WDR81: variants seen among roughly 807,000 people sequenced by gnomAD.
WDR81 encodes the protein WD repeat domain 81, also known as WD repeat-containing protein 81.
Under a neutral mutation model 140.8 loss-of-function variants are expected in WDR81, and 92 were observed. The ratio of observed to expected loss-of-function variants is 0.65; its 90% CI spans 0.55 to 0.78. The LOEUF (loss-of-function observed/expected upper bound fraction) is 0.78. Ranked by LOEUF, WDR81 falls within the 30% of genes least tolerant of loss-of-function variation. The probability of loss-of-function intolerance (pLI) is 0.00; values close to 1 mark genes in which losing one functional copy is unlikely to be tolerated. For missense variants in WDR81, 2,502 were observed against 2,636.4 expected, an observed-to-expected ratio of 0.95 and a Z score of 1.12; for synonymous variants, 1,183 against 1,156.4, an observed-to-expected ratio of 1.02 and a Z score of -0.47.
At position 1,728,120 on chromosome 17, in the gene WDR81, G is replaced by A; in HGVS notation, c.3161G>A (p.Gly1054Glu). Residue 1054 changes from glycine to glutamate, a missense_variant, in exon 1 of 10, where the codon GGG becomes GAG. By Grantham distance (98) the Gly-to-Glu change is moderately conservative. Around this residue, in one of 3 missense-constraint regions of WDR81, gnomAD observed 1,737 missense variants for 1,843.0 expected, o/e 0.94. Coordinates refer to ENST00000409644, the MANE Select transcript of WDR81 (RefSeq NM_001163809.2). ...CAFGEEIPMD[G>E]EPPASSGLGL... ...TTTGGGGAGGAGATTCCCATGGATG[G>A]GGAGCCTCCTGCCTCCTCGGGCCTG... The A allele has an allele frequency of 6.2e-7, 1 of 1,606,092 alleles. No homozygotes were observed. The highest frequency in any genetic ancestry group is 8.5e-7 in the Non-Finnish European group (1 of 1,176,116).
At position 1,726,906 on chromosome 17, in the gene WDR81, A is replaced by T; in HGVS notation, c.1947A>T (p.Arg649Ser). ...CTCCCTGTGAGGCTAGCTGGACCAG[A>T]GACAGGCCGGTGGCAGGAGAAGACG... ...EATPCEASWT[R>S]DRPVAGEDDL... is the part of the protein sequence containing the mutation. The change falls in exon 1 of 10, where the codon AGA becomes AGT. Residue 649 changes from arginine (R) to serine (S), a missense_variant. Physicochemically the swap from Arg to Ser is moderately radical, Grantham distance 110. Coordinates refer to ENST00000409644, the MANE Select transcript of WDR81 (RefSeq NM_001163809.2). 1 of 1,550,454 alleles carries T rather than the reference A, an allele frequency of 6.4e-7. No individual in the cohort carries two copies. The highest frequency in any genetic ancestry group is 8.7e-7 in the Non-Finnish European group (1 of 1,146,966).
rs760647390 is a variant in WDR81 at position 1,730,482 on chromosome 17, ATGT to A, written c.3773_3775del (p.Val1258del). The A allele has an allele frequency of 6.2e-7, 1 of 1,612,806 alleles. No individual in the cohort carries two copies. Among genetic ancestry groups the A allele is most frequent in the South Asian group, 1.1e-5 (1 of 90,904 alleles). On this transcript the variant is annotated inframe_deletion and splice_region_variant, in exon 2 of 10. Coordinates refer to ENST00000409644, the MANE Select transcript of WDR81 (RefSeq NM_001163809.2). Reference sequence around the variant, plus strand: ...CTGCTCCGCCTGCTGACGTCTTGTTATGTTGGTAAGGAGGCCTGCGGTCAGTGC... The same window carrying A: ...CTGCTCCGCCTGCTGACGTCTTGTTATGGTAAGGAGGCCTGCGGTCAGTGC...
chr17:1,720,058 A>G (rs1914781737), upstream of WDR81, among the ~76,000 whole-genome samples: 2 of 152,236 alleles, frequency 1.3e-5, no homozygotes, highest in South Asian at 4.1e-4. Context: ...TAATTAGAAA[A>G]CACCTAGCGT....
chr17:1,735,910 C>A lies in WDR81; in HGVS notation c.5326-129C>A. 1 of 1,413,574 alleles carries A rather than the reference C, an allele frequency of 7.1e-7. No individual in the cohort carries two copies. Among genetic ancestry groups the A allele is most frequent in the Non-Finnish European group, 9.4e-7 (1 of 1,064,428 alleles). 87.6% of individuals were successfully genotyped at this position (1,413,574 alleles called of 1,614,324 possible). On this transcript the variant is annotated intron_variant, in intron 8 of 9. Transcript: ENST00000409644. This position sits in a 1 kb window ranked among gnomAD's most constrained non-coding sequence, Gnocchi z 4.2. ...CCTGTGATGGGGGTGGGGTTCTGGGCTTTTCATGCCCCCTGATGAGGGTCA... is the reference window on the plus strand; with the variant it reads ...CCTGTGATGGGGGTGGGGTTCTGGGATTTTCATGCCCCCTGATGAGGGTCA...
At chr17:1,721,251 C>T (rs865896273), upstream of WDR81, among the ~76,000 whole-genome samples, 4 of 152,074 alleles carry the variant, frequency 2.6e-5, no homozygotes, top group Middle Eastern at 6.9e-3. Context: ...CCCAGCTACT[C>T]GGGATGCTGA....
Position 1,724,979 on chromosome 17 carries a change from G to A in WDR81, c.20G>A (p.Gly7Glu). MAQGSGGREGALRTPAG... is the reference protein window; with the variant it reads MAQGSGEREGALRTPAG... Reference sequence around the variant, plus strand: ...GAGGAGATGGCCCAGGGCAGCGGGGGGCGGGAAGGCGCTCTCAGAACCCCG... The same window carrying A: ...GAGGAGATGGCCCAGGGCAGCGGGGAGCGGGAAGGCGCTCTCAGAACCCCG... Residue 7 changes from glycine (G) to glutamate (E), a missense_variant, in exon 1 of 10, where the codon GGG (glycine) becomes GAG (glutamate). Physicochemically the swap from Gly to Glu is moderately conservative, Grantham distance 98. Around this residue, in one of 3 missense-constraint regions of WDR81, gnomAD observed 547 missense variants for 513.8 expected, o/e 1.06. Transcript: ENST00000409644. 1 of 1,458,356 alleles carries A rather than the reference G, an allele frequency of 6.9e-7. No individual in the cohort carries two copies. The highest frequency in any genetic ancestry group is 9.0e-7 in the Non-Finnish European group (1 of 1,109,192). 90.3% of individuals were successfully genotyped at this position (1,458,356 alleles called of 1,614,324 possible).
At position 1,733,645 on chromosome 17, in the gene WDR81, C is replaced by T. The variant is rs151174953; in HGVS notation, c.4608C>T (p.Pro1536=). ...CTGCCAGCGTGGAGCCCACCATGCC[C>T]GGCACCGGGCCCGAGTGGGACCCCC... ...RNPASVEPTM[P]GTGPEWDPHG... Residue 1536 remains proline (P), a synonymous_variant, in exon 7 of 10, where the codon CCC becomes CCT. Transcript: ENST00000409644. 222 of 1,604,716 alleles carry T rather than the reference C, an allele frequency of 1.4e-4. 1 individual carries two copies. The highest frequency in any genetic ancestry group is 2.5e-4 in the African/African-American group (19 of 74,878).
intron 6 of WDR81, 144 bp from the exon 7 acceptor site, chr17:1,733,383 A>G: frequency 2.6e-6 from 2 of 777,936 alleles, no homozygotes; most frequent in South Asian, 4.0e-5. Flanking sequence ...CTGAGGAGGA[A>G]ACTGAGGCTC....
upstream of WDR81, among the ~76,000 whole-genome samples, chr17:1,720,662 G>A (rs1378418116): frequency 1.3e-5 from 2 of 151,920 alleles, no homozygotes; most frequent in Non-Finnish European, 2.9e-5. Context: ...GTACTCGGGA[G>A]GCTGAGGCAG....
At chr17:1,722,117 C>T (rs1349907830), upstream of WDR81, among the ~76,000 whole-genome samples, 2 of 151,750 alleles carry the variant, frequency 1.3e-5, no homozygotes, top group Non-Finnish European at 2.9e-5. Context: ...GAGCGAAACT[C>T]TGTCTTAAAA....
intron 1 of WDR81, chr17:1,716,725 CT>C: frequency 1.4e-6 from 2 of 1,386,866 alleles, no homozygotes; most frequent in Non-Finnish European, 2.0e-6. Context: ...GTGAGTGCTT[CT>C]TTTAGACATT....
Position 1,732,740 on chromosome 17 carries a change from G to A in WDR81, c.4398G>A (p.Arg1466=), listed in dbSNP as rs1274420618. The change falls in exon 6 of 10, where the codon CGG becomes CGA. Residue 1466 remains arginine (R), a synonymous_variant. Transcript: ENST00000409644. ...TGGTCTTCTCTGATGGGCAGCAGCG[G>A]CCCGTGGACCCCGCCCTGCTGGACG... ...PQVVFSDGQQ[R]PVDPALLDEL... is the part of the protein sequence containing the mutation. 4 of 1,613,022 alleles carry A rather than the reference G, an allele frequency of 2.5e-6. No individual in the cohort carries two copies. The highest frequency in any genetic ancestry group is 2.5e-6 in the Non-Finnish European group (3 of 1,179,962).
chr17:1,732,265 G>T, intron 4 of WDR81, 60 bp from the exon 5 acceptor site: 1 of 1,573,006 alleles, frequency 6.4e-7, no homozygotes, highest in Non-Finnish European at 8.6e-7. Flanking sequence ...TAAAGATTTT[G>T]CTAGATTCTG....
At chr17:1,732,254 A>G in intron 4 of WDR81, 71 bp from the exon 5 acceptor site, 2 of 1,563,178 alleles carry the variant, frequency 1.3e-6, no homozygotes, top group Non-Finnish European at 1.7e-6. Flanking sequence ...ATAAAAATAA[A>G]TAAAGATTTT....
rs540866497 is a variant in WDR81, at chr17:1,728,327, G to A, written c.3368G>A (p.Arg1123Gln). The change falls in exon 1 of 10, where the codon CGG becomes CAG. Residue 1123 changes from arginine (R) to glutamine (Q), a missense_variant. Around this residue, in one of 3 missense-constraint regions of WDR81, gnomAD observed 1,737 missense variants for 1,843.0 expected, o/e 0.94. Transcript: ENST00000409644. ...AGCGAGACCTCCCTGGGTGAGGAGC[G>A]GGCTCCAGACGAGGGGGGTGCCCCC... Reference protein sequence around the residue: ...STSETSLGEERAPDEGGAPVD... With the variant: ...STSETSLGEEQAPDEGGAPVD... 38 of 1,612,770 alleles carry A rather than the reference G, an allele frequency of 2.4e-5. No individual in the cohort carries two copies. The highest frequency in any genetic ancestry group is 5.3e-5 in the African/African-American group (4 of 74,942).
At chr17:1,734,810 T>C (rs1001159262) in intron 7 of WDR81, among the ~76,000 whole-genome samples, 9 of 150,852 alleles carry the variant, frequency 6.0e-5, no homozygotes, top group Non-Finnish European at 1.3e-4. Context: ...ATAACACATG[T>C]AGGGTTTTGG....
rs933198918 is a variant in WDR81, at chr17:1,726,803, A to C, written c.1844A>C (p.Glu615Ala). The change falls in exon 1 of 10, where the codon GAG becomes GCG. Residue 615 changes from glutamate to alanine, a missense_variant. Physicochemically the swap from Glu to Ala is moderately radical, Grantham distance 107. Transcript: ENST00000409644. ...IPKLLVQTIQETTGREDFTEN... is the reference protein window; with the variant it reads ...IPKLLVQTIQATTGREDFTEN... ...AAGCTGTTGGTCCAGACCATCCAGG[A>C]GACCACAGGCCGGGAGGACTTCACG... 6.5e-7 allele frequency: 1 copy of C among 1,549,374 alleles called. No individual in the cohort carries two copies. Among genetic ancestry groups the C allele is most frequent in the African/African-American group, 1.4e-5 (1 of 73,042 alleles).
rs1165738138 is a variant in WDR81 at position 1,727,844 on chromosome 17, T to C, written c.2885T>C (p.Leu962Pro). The C allele has an allele frequency of 6.4e-7, 1 of 1,550,586 alleles. No individual in the cohort carries two copies. The highest frequency in any genetic ancestry group is 2.0e-5 in the Admixed American group (1 of 51,006). The change falls in exon 1 of 10, where the codon CTC becomes CCC. Residue 962 changes from leucine (L) to proline (P), a missense_variant. Physicochemically the swap from Leu to Pro is moderately conservative, Grantham distance 98. Around this residue, in one of 3 missense-constraint regions of WDR81, gnomAD observed 1,737 missense variants for 1,843.0 expected, o/e 0.94. Coordinates refer to ENST00000409644, the MANE Select transcript of WDR81 (RefSeq NM_001163809.2). ...ALGPKNANKY[L>P]LKPLIGAYES... is the part of the protein sequence containing the mutation. ...GGCCCCAAAAATGCCAATAAGTACC[T>C]CCTGAAGCCGCTCATTGGTGCCTAC...
In WDR81 at chr17:1,726,820, G is replaced by A. The variant is rs962259157; in HGVS notation, c.1861G>A (p.Asp621Asn). Residue 621 changes from aspartate to asparagine, a missense_variant, in exon 1 of 10, where the codon GAC (aspartate) becomes AAC (asparagine). By Grantham distance (23) the Asp-to-Asn change is conservative (BLOSUM62 1). This residue lies in a region of WDR81 where 1,737 missense variants were observed against 1,843.0 expected (regional missense o/e 0.94). Transcript: ENST00000409644. Reference sequence around the variant, plus strand: ...CATCCAGGAGACCACAGGCCGGGAGGACTTCACGGAAAACCCGGGACAGCT... The same window carrying A: ...CATCCAGGAGACCACAGGCCGGGAGAACTTCACGGAAAACCCGGGACAGCT... ...QTIQETTGRE[D>N]FTENPGQLPN... The A allele has an allele frequency of 9.0e-6, 14 of 1,549,834 alleles. No individual in the cohort carries two copies. The highest frequency in any genetic ancestry group is 1.2e-5 in the Non-Finnish European group (14 of 1,146,904).
Sources: allele counts gnomAD v4.1 joint callset (sites outside exome capture counted in the v4.1 genomes callset), GRCh38; gene constraint gnomAD v4.1.1; regional missense constraint gnomAD v4.1.1; non-coding constraint Gnocchi (gnomAD v3.1); transcripts MANE v1.5; gene names NCBI Gene and HGNC (gene_info 2026-07-23, HGNC 2026-07-21).